Variants in KCNH1 observed in about 807,000 individuals in gnomAD.
KCNH1 encodes voltage-gated delayed rectifier potassium channel KCNH1.
Under a neutral mutation model 69.2 loss-of-function variants are expected in KCNH1, and 27 were observed. The observed-to-expected ratio is 0.39, with a 90% CI of 0.29 to 0.54. KCNH1 has a LOEUF of 0.54. KCNH1 is among the 20% of genes least tolerant of loss of function. The probability of loss-of-function intolerance (pLI) is 0.68; values close to 1 mark genes in which losing one functional copy is unlikely to be tolerated. For missense variants in KCNH1, 798 were observed against 1,261.6 expected (o/e 0.63, Z 5.57); for synonymous variants, 456 against 487.7 (o/e 0.93, Z 0.86).
rs374528426 is a variant in KCNH1 at position 210,978,220 on chromosome 1, A to G, written c.1032+40563T>C. Among the ~76,000 whole-genome samples, 123 of 152,044 alleles carry G rather than the reference A, an allele frequency of 8.1e-4. 1 individual carries two copies. The highest frequency in any genetic ancestry group is 2.8e-3 in the African/African-American group (117 of 41,464). On this transcript the variant is annotated intron_variant, in intron 6 of 10. Coordinates refer to ENST00000271751, the MANE Select transcript of KCNH1 (RefSeq NM_172362.3). ...CACCTGGCTAATTTTTTGTATTTTT[A>G]GTAGAGACAGGGTTTCACCATGTTA...
chr1:210,990,570 A>T (rs984653433), intron 6 of KCNH1, among the ~76,000 whole-genome samples: 1 of 152,168 alleles, frequency 6.6e-6, no homozygotes, highest in African/African-American at 2.4e-5. Context: ...TAAGATGGAA[A>T]GGCAGCAGAG....
At chr1:211,058,109 A>C (rs12755446) in intron 5 of KCNH1, among the ~76,000 whole-genome samples, 37,038 of 152,098 alleles carry the variant, frequency 0.24, 4,684 homozygotes, top group African/African-American at 0.28. Flanking sequence ...TAGTATATCC[A>C]ACAAAAATAT....
At chr1:211,116,569 TC>T (rs1196322689) in intron 1 of KCNH1, among the ~76,000 whole-genome samples, 1 of 152,168 alleles carries the variant, frequency 6.6e-6, no homozygotes, top group African/African-American at 2.4e-5. Flanking sequence ...AATTCTTTTG[TC>T]CCCCTTTTCA....
chr1:211,115,730 T>TATATATATATATATATATATAC (rs1159442976), intron 1 of KCNH1, among the ~76,000 whole-genome samples: 13 of 87,012 alleles, frequency 1.5e-4, no homozygotes, highest in South Asian at 3.3e-4. Context: ...TATATATATA[T>TATATATATATATATATATATAC]ACACACACAC....
intron 10 of KCNH1, among the ~76,000 whole-genome samples, chr1:210,747,686 C>T (rs890825520): frequency 6.6e-6 from 1 of 151,216 alleles, no homozygotes; most frequent in South Asian, 2.1e-4. Context: ...AGTATTTCAC[C>T]TTTTTCTTAA....
At chr1:210,736,489 G>A (rs1682881860) in intron 10 of KCNH1, among the ~76,000 whole-genome samples, 1 of 152,070 alleles carries the variant, frequency 6.6e-6, no homozygotes, top group Non-Finnish European at 1.5e-5. Flanking sequence ...AGAGACTGCA[G>A]TGAGCAGAGA....
chr1:211,010,168 T>G (rs1689367848), intron 6 of KCNH1, among the ~76,000 whole-genome samples: 1 of 151,532 alleles, frequency 6.6e-6, no homozygotes, highest in African/African-American at 2.4e-5. Flanking sequence ...GAAAATAGAG[T>G]CCAAGTGGAG....
At chr1:211,100,010 G>T (rs112269744) in intron 3 of KCNH1, among the ~76,000 whole-genome samples, 1 of 152,194 alleles carries the variant, frequency 6.6e-6, no homozygotes, top group East Asian at 1.9e-4. Flanking sequence ...CCATCTCCAC[G>T]CTCTAGCTGG....
chr1:210,733,976 C>T (rs1232713297), intron 10 of KCNH1, among the ~76,000 whole-genome samples: 1 of 151,528 alleles, frequency 6.6e-6, no homozygotes, highest in Non-Finnish European at 1.5e-5. Flanking sequence ...CACACACACA[C>T]ACACACACAC....
intron 10 of KCNH1, among the ~76,000 whole-genome samples, chr1:210,716,459 C>A (rs866233806): frequency 0.017 from 2,390 of 137,284 alleles, 85 homozygotes; most frequent in African/African-American, 0.064. Flanking sequence ...GCATGTTACA[C>A]AACCATCTAG....
chr1:210,812,182 G>A (rs1021165726), intron 7 of KCNH1, among the ~76,000 whole-genome samples: 2 of 152,168 alleles, frequency 1.3e-5, no homozygotes, highest in African/African-American at 4.8e-5. Context: ...CACAGCCAAG[G>A]CTGATTGGAT....
intron 10 of KCNH1, among the ~76,000 whole-genome samples, chr1:210,708,943 A>C (rs910292804): frequency 2.0e-5 from 3 of 152,110 alleles, no homozygotes; most frequent in Admixed American, 6.5e-5. Flanking sequence ...CTTAATCCGA[A>C]ATGACAGCTG....
At chr1:210,886,609 G>A (rs1018866090) in intron 7 of KCNH1, among the ~76,000 whole-genome samples, 3 of 151,914 alleles carry the variant, frequency 2.0e-5, no homozygotes, top group Non-Finnish European at 2.9e-5. Context: ...CGAGCTAAAG[G>A]AGCATGTTCT....
At chr1:211,036,321 A>G (rs1041537450) in intron 5 of KCNH1, among the ~76,000 whole-genome samples, 1 of 152,192 alleles carries the variant, frequency 6.6e-6, no homozygotes, top group Non-Finnish European at 1.5e-5. Flanking sequence ...ACTATCTGGG[A>G]GGCCTGATGG....
chr1:210,917,223 G>GAC (rs1558524701), intron 7 of KCNH1, among the ~76,000 whole-genome samples: 11 of 83,246 alleles, frequency 1.3e-4, no homozygotes, highest in African/African-American at 4.3e-4. Context: ...GAGAGAGAGA[G>GAC]AGAGAGAGAA....
intron 9 of KCNH1, among the ~76,000 whole-genome samples, chr1:210,790,871 A>C (rs766938782): frequency 2.6e-5 from 4 of 152,078 alleles, no homozygotes; most frequent in Non-Finnish European, 4.4e-5. Context: ...CCTCATGCTG[A>C]CCTTTAAACT....
chr1:210,911,333 A>G (rs1203586422), intron 7 of KCNH1, among the ~76,000 whole-genome samples: 1 of 152,158 alleles, frequency 6.6e-6, no homozygotes, highest in Non-Finnish European at 1.5e-5. Flanking sequence ...GACTCATCTC[A>G]TTGACTCATC....
At chr1:210,789,717 C>A (rs550771385) in intron 9 of KCNH1, among the ~76,000 whole-genome samples, 2 of 152,294 alleles carry the variant, frequency 1.3e-5, no homozygotes, top group East Asian at 3.9e-4. Context: ...GCCTCACAAA[C>A]AAGACATGCA....
chr1:210,930,130 C>A (rs944206968), intron 6 of KCNH1, among the ~76,000 whole-genome samples: 3 of 152,222 alleles, frequency 2.0e-5, no homozygotes, highest in Middle Eastern at 3.4e-3. Context: ...AAAGTCAATG[C>A]AATTCCCATC....
Sources: gnomAD v4.1 joint callset for allele counts (sites outside exome capture counted in the v4.1 genomes callset) on GRCh38, gnomAD v4.1.1 for gene constraint, MANE v1.5 for transcripts, NCBI Gene and HGNC (gene_info 2026-07-23, HGNC 2026-07-21) for gene names.